GABRB2: variants seen among roughly 807,000 people sequenced by gnomAD.
The protein encoded by GABRB2 is gamma-aminobutyric acid type A receptor subunit beta2, also known as gamma-aminobutyric acid receptor subunit beta-2.
A neutral mutation model predicts 54.7 loss-of-function variants in GABRB2; 16 were observed. That is an observed-to-expected ratio of 0.29 (90% CI 0.20 to 0.44). The LOEUF (loss-of-function observed/expected upper bound fraction) is 0.44, where lower values mean the gene tolerates loss of function less well. Among genes scored for constraint, GABRB2 ranks in the 20% least tolerant of loss-of-function variants. GABRB2 has a pLI of 1.00. For missense variants in GABRB2, 355 were observed against 644.0 expected (o/e 0.55, Z 4.86); for synonymous variants, 244 against 233.8 (o/e 1.04, Z -0.40).
At chr5:161,538,513 AT>A (rs1760712090) in intron 3 of GABRB2, among the ~76,000 whole-genome samples, 1 of 152,216 alleles carries the variant, frequency 6.6e-6, no homozygotes, top group Admixed American at 6.5e-5. Flanking sequence ...TAAGAATCTG[AT>A]GTAACTATAA....
At chr5:161,351,318 T>A (rs921667815) in intron 5 of GABRB2, among the ~76,000 whole-genome samples, 7 of 151,988 alleles carry the variant, frequency 4.6e-5, no homozygotes, top group Admixed American at 6.6e-5. Context: ...GCTATAGTAA[T>A]CAAAATAGCA....
intron 3 of GABRB2, among the ~76,000 whole-genome samples, chr5:161,462,421 G>A (rs1188010187): frequency 6.6e-6 from 1 of 152,126 alleles, no homozygotes. Flanking sequence ...AATAAAACAT[G>A]CAATTAATAT....
At chr5:161,419,738 T>G (rs1022489576) in intron 4 of GABRB2, among the ~76,000 whole-genome samples, 6 of 152,168 alleles carry the variant, frequency 3.9e-5, no homozygotes, top group African/African-American at 1.2e-4. Flanking sequence ...GTTCCTCACT[T>G]GTAAGTGGGA....
Position 161,517,711 on chromosome 5 carries a change from AT to A in GABRB2, c.237+27515del, listed in dbSNP as rs558467993. 7.5e-3 allele frequency among the ~76,000 whole-genome samples: 1,138 copies of A among 152,336 alleles called. 7 individuals carry two copies. Among genetic ancestry groups the A allele is most frequent in the Middle Eastern group, 0.027 (8 of 292 alleles). On this transcript the variant is annotated intron_variant, in intron 3 of 9. Coordinates refer to ENST00000393959, the MANE Select transcript of GABRB2 (RefSeq NM_001371727.1). ...TTCCCAGAACTGTGACTACAGTGGCATAAAAGTCAATTTAAAGGGCCAAATC... is the reference window on the plus strand; with the variant it reads ...TTCCCAGAACTGTGACTACAGTGGCAAAAAGTCAATTTAAAGGGCCAAATC...
intron 3 of GABRB2, among the ~76,000 whole-genome samples, chr5:161,474,603 C>T (rs533670228): frequency 2.0e-5 from 3 of 151,972 alleles, no homozygotes; most frequent in Non-Finnish European, 4.4e-5. Flanking sequence ...AACACATTTT[C>T]AGAAGAATAG....
intron 6 of GABRB2, 72 bp downstream of exon 6, chr5:161,336,560 T>C: frequency 6.5e-7 from 1 of 1,534,564 alleles, no homozygotes; most frequent in Non-Finnish European, 8.9e-7. Flanking sequence ...GACAGAACTC[T>C]AATATAAGTG....
At chr5:161,333,268 G>A (rs1229842046) in intron 7 of GABRB2, among the ~76,000 whole-genome samples, 1 of 152,114 alleles carries the variant, frequency 6.6e-6, no homozygotes, top group Non-Finnish European at 1.5e-5. Context: ...CATTCCCCAT[G>A]CAAGACACTG....
chr5:161,462,998 A>G (rs557449499), intron 3 of GABRB2, among the ~76,000 whole-genome samples: 1 of 152,222 alleles, frequency 6.6e-6, no homozygotes, highest in South Asian at 2.1e-4. Flanking sequence ...ATTCAAACTG[A>G]AAAACCCCAA....
intron 3 of GABRB2, among the ~76,000 whole-genome samples, chr5:161,494,696 A>G (rs777942806): frequency 2.0e-5 from 3 of 151,806 alleles, no homozygotes; most frequent in Non-Finnish European, 4.4e-5. Flanking sequence ...CATATTTTGC[A>G]CTATATAATT....
chr5:161,327,041 GACACACACACACACACAC>G, intron 8 of GABRB2: 4 of 494,576 alleles, frequency 8.1e-6, no homozygotes, highest in Non-Finnish European at 1.0e-5. Context: ...ATTCCATTAG[GACACACACACACACACAC>G]ACACACACAC....
chr5:161,439,721 C>T (rs997805632), intron 4 of GABRB2, among the ~76,000 whole-genome samples: 8 of 151,516 alleles, frequency 5.3e-5, no homozygotes, highest in South Asian at 4.2e-4. Flanking sequence ...TGTATGCTTA[C>T]GCAAATAATG....
chr5:161,500,788 T>C (rs1169849285), intron 3 of GABRB2, among the ~76,000 whole-genome samples: 1 of 152,174 alleles, frequency 6.6e-6, no homozygotes, highest in African/African-American at 2.4e-5. Flanking sequence ...TTCCCCCAAA[T>C]GTTTTAAACT....
intron 4 of GABRB2, among the ~76,000 whole-genome samples, chr5:161,430,501 G>A (rs1469365364): frequency 6.6e-6 from 1 of 152,040 alleles, no homozygotes; most frequent in African/African-American, 2.4e-5. Flanking sequence ...CACCAGAGTT[G>A]ACCATTTTCT....
chr5:161,496,912 C>A (rs1759266437), intron 3 of GABRB2, among the ~76,000 whole-genome samples: 1 of 151,982 alleles, frequency 6.6e-6, no homozygotes, highest in African/African-American at 2.4e-5. Context: ...TATGTATACA[C>A]CCATATCAAA....
At chr5:161,511,921 A>G (rs1288596177) in intron 3 of GABRB2, among the ~76,000 whole-genome samples, 2 of 152,038 alleles carry the variant, frequency 1.3e-5, no homozygotes, top group Non-Finnish European at 2.9e-5. Context: ...CGACTCATTC[A>G]GAGGAACTGG....
At chr5:161,315,764 A>C (rs575824555) in intron 9 of GABRB2, among the ~76,000 whole-genome samples, 2 of 152,278 alleles carry the variant, frequency 1.3e-5, no homozygotes, top group African/African-American at 4.8e-5. Context: ...AACCACCTCA[A>C]ACATGTATCA....
At chr5:161,405,377 G>A (rs963976603) in intron 5 of GABRB2, among the ~76,000 whole-genome samples, 1 of 152,012 alleles carries the variant, frequency 6.6e-6, no homozygotes, top group South Asian at 2.1e-4. Context: ...GATAACAGCT[G>A]CTACTTATGG....
chr5:161,367,982 A>G (rs986493733), intron 5 of GABRB2, among the ~76,000 whole-genome samples: 2 of 152,176 alleles, frequency 1.3e-5, no homozygotes, highest in East Asian at 3.9e-4. Flanking sequence ...TTCCCTGTAC[A>G]TGGCATACCT....
intron 3 of GABRB2, among the ~76,000 whole-genome samples, chr5:161,484,960 T>C (rs931413195): frequency 2.0e-5 from 3 of 152,002 alleles, no homozygotes; most frequent in African/African-American, 7.2e-5. Context: ...AGGCTCACCA[T>C]TTATGCTTCT....
Sources: allele counts gnomAD v4.1 joint callset (sites outside exome capture counted in the v4.1 genomes callset), GRCh38; gene constraint gnomAD v4.1.1; transcripts MANE v1.5; gene names NCBI Gene and HGNC (gene_info 2026-07-23, HGNC 2026-07-21).